Variants in PAK3 observed in about 807,000 individuals in gnomAD.
PAK3 encodes the protein serine/threonine-protein kinase PAK 3.
In PAK3, 4 loss-of-function variants were observed where a neutral mutation model predicts 41.0. That is an observed-to-expected ratio of 0.10 (90% CI 0.05 to 0.22). The LOEUF is 0.22. Ranked by LOEUF, PAK3 falls within the 10% of genes least tolerant of loss-of-function variation. The pLI, the probability that PAK3 is intolerant of heterozygous loss-of-function variation, is 1.00. For missense variants in PAK3, 205 were observed against 409.9 expected (o/e 0.50, Z 4.32); for synonymous variants, 146 against 139.6 (o/e 1.05, Z -0.32).
chrX:111,028,606 C>A (rs972879059), intron 1 of PAK3, among the ~76,000 whole-genome samples: 4 of 110,562 alleles, frequency 3.6e-5, no homozygotes, highest in Non-Finnish European at 7.6e-5. Flanking sequence ...AGAACTAAAC[C>A]AATATGGAAG....
At chrX:111,048,021 C>T (rs777984249) in intron 1 of PAK3, among the ~76,000 whole-genome samples, 1 of 111,724 alleles carries the variant, frequency 9.0e-6, no homozygotes. Flanking sequence ...TCCACTTCCT[C>T]GCTTATCAAT....
chrX:111,008,619 AG>A (rs1176764417), intron 1 of PAK3, among the ~76,000 whole-genome samples: 1 of 112,466 alleles, frequency 8.9e-6, no homozygotes, highest in Admixed American at 9.3e-5. Flanking sequence ...TTCAAGTTTT[AG>A]CATGTCCACT....
At chrX:111,016,516 C>T (rs2092092235) in intron 1 of PAK3, among the ~76,000 whole-genome samples, 1 of 110,714 alleles carries the variant, frequency 9.0e-6, no homozygotes, top group Non-Finnish European at 1.9e-5. Context: ...TGTGTGTGTA[C>T]ATATATATGT....
At chrX:111,203,245 A>G (rs2094703340) in intron 16 of PAK3, among the ~76,000 whole-genome samples, 1 of 112,157 alleles carries the variant, frequency 8.9e-6, no homozygotes, top group South Asian at 3.7e-4. Context: ...TTGTCTAAAA[A>G]CTTATGAGTA....
At position 111,171,473 on chromosome X, in the gene PAK3, A is replaced by C. The variant is rs141533760; in HGVS notation, c.767-1545A>C. On this transcript the variant is annotated intron_variant, in intron 10 of 17. Transcript: ENST00000372007. ...AAGATTTTTCTGGACCTATTTGAAC[A>C]CTGCATTGAAGAGTCAATGCCACTT... Among the ~76,000 whole-genome samples the C allele has an allele frequency of 4.0e-3, 449 of 111,847 alleles. 3 individuals carry two copies. The highest frequency in any genetic ancestry group is 0.014 in the African/African-American group (424 of 30,891).
At chrX:111,041,263 C>T (rs975163875) in intron 1 of PAK3, among the ~76,000 whole-genome samples, 1 of 112,746 alleles carries the variant, frequency 8.9e-6, no homozygotes, top group Non-Finnish European at 1.9e-5. Context: ...CAAGCCCTTG[C>T]TGGGAAGGGA....
chrX:110,958,390 A>C (rs970951121), intron 1 of PAK3, among the ~76,000 whole-genome samples: 1 of 111,643 alleles, frequency 9.0e-6, no homozygotes, highest in Non-Finnish European at 1.9e-5. Context: ...ATGGAACTTA[A>C]GAGTGGCGAG....
chrX:111,213,644 T>C (rs2094845051), intron 16 of PAK3, among the ~76,000 whole-genome samples: 1 of 111,419 alleles, frequency 9.0e-6, no homozygotes, highest in Admixed American at 9.6e-5. Flanking sequence ...GGTGTGCTTG[T>C]TTAGGTCTGG....
At chrX:111,217,986 T>C (rs2094896902) in intron 17 of PAK3, among the ~76,000 whole-genome samples, 1 of 112,741 alleles carries the variant, frequency 8.9e-6, no homozygotes, top group Non-Finnish European at 1.9e-5. Flanking sequence ...ACCAGTCAGA[T>C]AACTGATACA....
intron 1 of PAK3, among the ~76,000 whole-genome samples, chrX:110,975,584 T>G (rs1204170717): frequency 3.6e-4 from 40 of 112,037 alleles, no homozygotes; most frequent in African/African-American, 1.3e-3. Context: ...ACCAATGGCT[T>G]TCTTCACAGA....
At chrX:111,038,187 A>T (rs1358220000) in intron 1 of PAK3, among the ~76,000 whole-genome samples, 1 of 112,331 alleles carries the variant, frequency 8.9e-6, no homozygotes, top group African/African-American at 3.2e-5. Flanking sequence ...ATTATTATCA[A>T]CAACAATGTA....
At chrX:111,082,824 ATT>A (rs994130591) in intron 1 of PAK3, among the ~76,000 whole-genome samples, 3 of 111,277 alleles carry the variant, frequency 2.7e-5, no homozygotes. Flanking sequence ...TCTCCTGTAT[ATT>A]TTTCTCCTCC....
intron 3 of PAK3, among the ~76,000 whole-genome samples, chrX:111,098,219 A>T (rs1011403855): frequency 4.5e-5 from 5 of 110,350 alleles, no homozygotes; most frequent in Admixed American, 3.9e-4. Context: ...CAGGTGAGGG[A>T]AACGAGAAAT....
intron 10 of PAK3, among the ~76,000 whole-genome samples, chrX:111,170,574 A>G (rs2094325313): frequency 9.0e-6 from 1 of 111,631 alleles, no homozygotes; most frequent in African/African-American, 3.3e-5. Flanking sequence ...TCATTTAATC[A>G]ACAAATATTT....
At chrX:111,131,994 A>G (rs886832340) in intron 5 of PAK3, among the ~76,000 whole-genome samples, 1 of 111,343 alleles carries the variant, frequency 9.0e-6, no homozygotes, top group Non-Finnish European at 1.9e-5. Context: ...TTTTTTAATA[A>G]AAAAAGGAAA....
At chrX:110,964,306 A>C (rs2091038866) in intron 1 of PAK3, among the ~76,000 whole-genome samples, 2 of 112,147 alleles carry the variant, frequency 1.8e-5, no homozygotes, top group Non-Finnish European at 3.8e-5. Flanking sequence ...CATGTTTTCT[A>C]TCCCAGTACA....
Position 111,096,196 on chromosome X carries a change from G to C in PAK3, c.-572G>C, listed in dbSNP as rs1356039455. ...GGTTGCCGAGCAGGGGCTCTACCGC[G>C]GGCGGGCAGCTGTGCCAGCTAACCG... On this transcript the variant is annotated 5_prime_UTR_variant, in exon 1 of 18. Transcript: ENST00000372007. 8.9e-6 allele frequency: 1 copy of C among 112,192 alleles called. No individual in the cohort carries two copies. Among genetic ancestry groups the C allele is most frequent in the Admixed American group, 9.3e-5 (1 of 10,719 alleles). 9.2% of individuals were successfully genotyped at this position (112,192 alleles called of 1,213,427 possible). A position where few individuals can be genotyped will look rare whatever the true frequency, so the allele number is the denominator to read the frequency against.
chrX:111,206,771 T>C (rs1038892955), intron 16 of PAK3, among the ~76,000 whole-genome samples: 2 of 111,903 alleles, frequency 1.8e-5, no homozygotes, highest in Admixed American at 1.9e-4. Flanking sequence ...GCGTTCATTA[T>C]AATGTGATTA....
rs773418942 is a variant in PAK3 at position 111,154,849 on chromosome X, A to G, written c.468+2402A>G. 2.0e-4 allele frequency among the ~76,000 whole-genome samples: 22 copies of G among 111,324 alleles called. No homozygotes were observed. The East Asian group carries it at 6.3e-3, about 32-fold the overall frequency. On this transcript the variant is annotated intron_variant, in intron 8 of 17. Transcript: ENST00000372007. The stretch of plus-strand genomic sequence containing the variant: ...TTAATATCATGCTTGTGCAATCTTG[A>G]CTGGGTATTCTGGCAAAAAAAAAAT...
Sources: allele counts gnomAD v4.1 joint callset (sites outside exome capture counted in the v4.1 genomes callset), GRCh38; gene constraint gnomAD v4.1.1; transcripts MANE v1.5; gene names NCBI Gene and HGNC (gene_info 2026-07-23, HGNC 2026-07-21).